FGF13: variants seen among roughly 807,000 people sequenced by gnomAD.
FGF13 encodes the protein fibroblast growth factor homologous factor 2.
FGF13 carries 2 observed loss-of-function variants against 19.5 expected under a neutral mutation model. That is an observed-to-expected ratio of 0.10 (90% CI 0.04 to 0.32). The LOEUF (loss-of-function observed/expected upper bound fraction) is 0.32. Among genes scored for constraint, FGF13 ranks in the 10% least tolerant of loss-of-function variants. FGF13 has a pLI of 1.00. For missense variants in FGF13, 113 were observed against 192.7 expected (o/e 0.59, Z 2.45); for synonymous variants, 72 against 76.9 (o/e 0.94, Z 0.33).
At chrX:138,953,828 T>C (rs1323359180) in intron 1 of FGF13, among the ~76,000 whole-genome samples, 1 of 110,521 alleles carries the variant, frequency 9.0e-6, no homozygotes, top group Non-Finnish European at 1.9e-5. Context: ...AAGGAGTTCA[T>C]AGTATATAAT....
chrX:138,637,218 G>C (rs764427612), intron 3 of FGF13, among the ~76,000 whole-genome samples: 8 of 112,168 alleles, frequency 7.1e-5, no homozygotes, highest in Non-Finnish European at 1.3e-4. Flanking sequence ...TTCTATTTAT[G>C]GGCTGTGAAA....
intron 2 of FGF13, among the ~76,000 whole-genome samples, chrX:138,706,379 CGTAAG>C (rs1177966519): frequency 2.7e-5 from 3 of 111,653 alleles, no homozygotes; most frequent in Non-Finnish European, 5.6e-5. Context: ...AATAAATCTA[CGTAAG>C]GTAAGGTGAA....
At chrX:139,093,060 G>A in intron 1 of FGF13, among the ~76,000 whole-genome samples, 1 of 112,175 alleles carries the variant, frequency 8.9e-6, no homozygotes, top group East Asian at 2.8e-4. Context: ...GCAGGGAAAA[G>A]AATAATAAAG....
chrX:138,984,589 AGGAGGAGGAGGAGGAGGAGGAGGAGGAT>A (rs2091982883), intron 1 of FGF13, among the ~76,000 whole-genome samples: 1 of 17,029 alleles, frequency 5.9e-5, no homozygotes, highest in Non-Finnish European at 1.3e-4. Context: ...AAGAAGAAGA[AGGAGGAGGAGGAGGAGGAGGAGGAGGAT>A]GAGGAAGAGG....
intron 3 of FGF13, among the ~76,000 whole-genome samples, chrX:138,702,696 A>G (rs946750623): frequency 4.5e-5 from 5 of 112,255 alleles, no homozygotes; most frequent in Non-Finnish European, 7.5e-5. Flanking sequence ...CTGCAAAGCA[A>G]GGCAGCAAGA....
At chrX:139,157,234 T>C (rs2083983835) in intron 1 of FGF13, among the ~76,000 whole-genome samples, 1 of 111,424 alleles carries the variant, frequency 9.0e-6, no homozygotes, top group South Asian at 3.8e-4. Context: ...GACTAATAAG[T>C]GGCAAAGCAA....
intron 3 of FGF13, among the ~76,000 whole-genome samples, chrX:138,848,476 T>C (rs912448050): frequency 1.8e-5 from 2 of 111,731 alleles, no homozygotes; most frequent in Admixed American, 9.5e-5. Flanking sequence ...GTTGAGCCGC[T>C]ACCACAATAA....
At chrX:138,695,363 C>T (rs141844480) in intron 3 of FGF13, among the ~76,000 whole-genome samples, 1,339 of 111,809 alleles carry the variant, frequency 0.012, 21 homozygotes, top group South Asian at 0.054. Context: ...CATGCCAATG[C>T]TGTAACTGAC....
chrX:138,787,377 C>A (rs1046158608), intron 3 of FGF13, among the ~76,000 whole-genome samples: 1 of 111,743 alleles, frequency 8.9e-6, no homozygotes, highest in African/African-American at 3.3e-5. Context: ...TAAAAACAAG[C>A]ATTTATTTCT....
At chrX:138,903,030 AT>A (rs1413198535) in intron 1 of FGF13, among the ~76,000 whole-genome samples, 1 of 111,917 alleles carries the variant, frequency 8.9e-6, no homozygotes, top group African/African-American at 3.2e-5. Flanking sequence ...TAATTACTAG[AT>A]TTTGTCCATC....
intron 1 of FGF13, among the ~76,000 whole-genome samples, chrX:138,952,025 G>T (rs1214479032): frequency 9.0e-6 from 1 of 111,597 alleles, no homozygotes; most frequent in African/African-American, 3.3e-5. Context: ...TAGATTCAAT[G>T]CAACCCCCAT....
At chrX:138,792,654 T>C (rs1194933389) in intron 3 of FGF13, among the ~76,000 whole-genome samples, 1 of 111,839 alleles carries the variant, frequency 8.9e-6, no homozygotes. Flanking sequence ...CTGAGACTGA[T>C]CCCACAGGCT....
At chrX:138,828,844 G>A (rs1433278387) in intron 3 of FGF13, among the ~76,000 whole-genome samples, 1 of 110,883 alleles carries the variant, frequency 9.0e-6, no homozygotes, top group Non-Finnish European at 1.9e-5. Context: ...CATGTATTGG[G>A]CACCTACTAC....
intron 3 of FGF13, among the ~76,000 whole-genome samples, chrX:138,684,165 G>A (rs2089756512): frequency 9.0e-6 from 1 of 111,482 alleles, no homozygotes; most frequent in African/African-American, 3.3e-5. Flanking sequence ...TTTATTACTT[G>A]CAAAATAGAC....
chrX:138,820,580 C>T (rs913749009), intron 3 of FGF13, among the ~76,000 whole-genome samples: 1 of 111,908 alleles, frequency 8.9e-6, no homozygotes, highest in Non-Finnish European at 1.9e-5. Flanking sequence ...TTAATTAAAA[C>T]ACACAATTTG....
chrX:138,929,854 CTGTG>C (rs577806507), intron 1 of FGF13, among the ~76,000 whole-genome samples: 17,495 of 95,111 alleles, frequency 0.18, 1,612 homozygotes, highest in Non-Finnish European at 0.2. Context: ...ACTGCCTTAG[CTGTG>C]TGTGTGTGTG....
chrX:138,989,295 G>A (rs767336700), intron 1 of FGF13, among the ~76,000 whole-genome samples: 45 of 111,605 alleles, frequency 4.0e-4, no homozygotes, highest in Non-Finnish European at 8.1e-4. Context: ...GTACTGGCCA[G>A]AATACCAGGA....
At position 138,629,715 on chromosome X, in the gene FGF13, C is replaced by A. The variant is rs1441859917; in HGVS notation, c.*3135G>T. On this transcript the variant is annotated 3_prime_UTR_variant, in exon 5 of 5. Transcript: ENST00000315930. Reference sequence around the variant, plus strand: ...ATAGCAGCGTGAGAATGAACTAATACCAGTGGTTCTCAAAGTCCCGAGGAT... The same window carrying A: ...ATAGCAGCGTGAGAATGAACTAATAACAGTGGTTCTCAAAGTCCCGAGGAT... 9.0e-6 allele frequency: 1 copy of A among 111,083 alleles called. No individual in the cohort carries two copies. The highest frequency in any genetic ancestry group is 3.8e-4 in the South Asian group (1 of 2,626). 9.2% of individuals were successfully genotyped at this position (111,083 alleles called of 1,213,427 possible). A position where few individuals can be genotyped will look rare whatever the true frequency, so the allele number is the denominator to read the frequency against.
intron 3 of FGF13, among the ~76,000 whole-genome samples, chrX:138,698,557 C>T (rs2089917944): frequency 9.0e-6 from 1 of 111,604 alleles, no homozygotes; most frequent in Non-Finnish European, 1.9e-5. Context: ...GTCCTCAGTG[C>T]CTCAGTGCTA....
Sources: gnomAD v4.1 joint callset for allele counts (sites outside exome capture counted in the v4.1 genomes callset) on GRCh38, gnomAD v4.1.1 for gene constraint, MANE v1.5 for transcripts, NCBI Gene and HGNC (gene_info 2026-07-23, HGNC 2026-07-21) for gene names.